C11orf65: variants seen among roughly 807,000 people sequenced by gnomAD.
The protein encoded by C11orf65 is chromosome 11 open reading frame 65, also known as protein MFI.
A neutral mutation model predicts 35.3 loss-of-function variants in C11orf65; 38 were observed. The observed-to-expected ratio is 1.08, with a 90% confidence interval of 0.83 to 1.41. C11orf65 has a LOEUF of 1.41. C11orf65 is among the 40% of genes most tolerant of loss of function. The pLI is 0.00. For synonymous variants in C11orf65, 105 were observed against 114.4 expected (o/e 0.92, Z 0.53); for missense variants, 370 against 367.1 (o/e 1.01, Z -0.06).
chr11:108,369,525 T>C (rs1043371553), intron 2 of C11orf65, among the ~76,000 whole-genome samples: 3 of 152,302 alleles, frequency 2.0e-5, no homozygotes, highest in African/African-American at 7.2e-5. Context: ...TAGTCTCTTT[T>C]GCCTAGATTT....
At position 108,391,020 on chromosome 11, in the gene C11orf65, T is replaced by G. The variant is rs574864147; in HGVS notation, c.731+2188A>C. Among the ~76,000 whole-genome samples the G allele has an allele frequency of 1.8e-3, 268 of 152,242 alleles. 10 individuals are homozygous for G. In the South Asian group the frequency reaches 0.031, roughly 17 times the overall value. The stretch of plus-strand genomic sequence containing the variant: ...TTTGTCTTGATCATTCTTCCCCCTT[T>G]TTCTTCATTTATCTTTCCTTGCATC... On this transcript the variant is annotated intron_variant, in intron 7 of 8. Transcript: ENST00000393084.
intron 2 of C11orf65, among the ~76,000 whole-genome samples, chr11:108,444,314 G>C (rs2093214090): frequency 6.6e-6 from 1 of 152,032 alleles, no homozygotes; most frequent in African/African-American, 2.4e-5. Flanking sequence ...CTGAAATTGA[G>C]GCAATAATTA....
chr11:108,391,429 G>T (rs2092158183), intron 7 of C11orf65, among the ~76,000 whole-genome samples: 1 of 152,026 alleles, frequency 6.6e-6, no homozygotes, highest in African/African-American at 2.4e-5. Context: ...GCCCAGGCTG[G>T]AGTGCAATGG....
chr11:108,457,299 G>A (rs760343428), intron 2 of C11orf65, among the ~76,000 whole-genome samples: 1 of 152,040 alleles, frequency 6.6e-6, no homozygotes, highest in Non-Finnish European at 1.5e-5. Flanking sequence ...AATTGTACAC[G>A]CACATTATTT....
chr11:108,324,755 A>G (rs2085484383), intron 6 of C11orf65, among the ~76,000 whole-genome samples: 1 of 152,226 alleles, frequency 6.6e-6, no homozygotes, highest in Non-Finnish European at 1.5e-5. Flanking sequence ...TGGGAAGGAT[A>G]CTATTCATAT....
chr11:108,405,601 C>T (rs371415531), intron 5 of C11orf65, 42 bp from the exon 6 acceptor site: 48 of 1,597,652 alleles, frequency 3.0e-5, no homozygotes, highest in Admixed American at 6.8e-5. Context: ...GTTGAAATAT[C>T]GATTGTGAGG....
intron 2 of C11orf65, among the ~76,000 whole-genome samples, chr11:108,438,753 C>T (rs1410341645): frequency 1.3e-5 from 2 of 150,864 alleles, no homozygotes; most frequent in Non-Finnish European, 3.0e-5. Flanking sequence ...CGCTTGTAAT[C>T]CTAGCACTTT....
chr11:108,328,900 A>G, downstream of C11orf65: 1 of 1,108,334 alleles, frequency 9.0e-7, no homozygotes, highest in South Asian at 1.5e-5. Flanking sequence ...TAGTTCATAT[A>G]ATTTAGCTAG....
At chr11:108,344,228 G>A (rs2087990460) in intron 2 of C11orf65, among the ~76,000 whole-genome samples, 1 of 152,168 alleles carries the variant, frequency 6.6e-6, no homozygotes, top group Admixed American at 6.5e-5. Flanking sequence ...GGAGGAGGAA[G>A]TGCTTAGTTC....
chr11:108,316,451 A>G (rs2009437512), intron 6 of C11orf65, among the ~76,000 whole-genome samples: 2 of 152,162 alleles, frequency 1.3e-5, no homozygotes, highest in South Asian at 4.1e-4. Flanking sequence ...CACATGGAAA[A>G]TCTTATGTAA....
rs776267381 is a variant in C11orf65, at chr11:108,431,789, T to G, written c.131A>C (p.Gln44Pro). The part of the protein sequence containing the change: ...HFKSLIDLRR[Q>P]GEPRQIVKYI... The stretch of plus-strand genomic sequence containing the variant: ...TTTCACTATCTGACGTGGTTCTCCT[T>G]GTCTTCTTAAATCAATCAGACTTTT... Residue 44 changes from glutamine to proline, a missense_variant, in exon 3 of 9, where the codon CAA (glutamine) becomes CCA (proline). Gln to Pro is a moderately conservative substitution (Grantham distance 76, BLOSUM62 -1). Coordinates refer to ENST00000393084, the MANE Select transcript of C11orf65 (RefSeq NM_152587.5). 3 of 1,531,028 alleles carry G rather than the reference T, an allele frequency of 2.0e-6. No individual in the cohort carries two copies. The Admixed American group carries it at 5.3e-5, about 27-fold the overall frequency. 94.8% of individuals were successfully genotyped at this position (1,531,028 alleles called of 1,614,324 possible). A position where few individuals can be genotyped will look rare whatever the true frequency, so the allele number is the denominator to read the frequency against.
chr11:108,354,702 G>A (rs938563763), intron 2 of C11orf65: 16 of 989,886 alleles, frequency 1.6e-5, no homozygotes, highest in Non-Finnish European at 2.3e-5. Context: ...CAGATATGTA[G>A]ATTATTAAGC....
chr11:108,413,356 T>C, intron 3 of C11orf65, among the ~76,000 whole-genome samples: 1 of 152,162 alleles, frequency 6.6e-6, no homozygotes, highest in East Asian at 1.9e-4. Flanking sequence ...AGCTCATCCT[T>C]CCAACTCTCC....
At chr11:108,309,941 G>C (rs998446963) in intron 6 of C11orf65, among the ~76,000 whole-genome samples, 4 of 152,058 alleles carry the variant, frequency 2.6e-5, no homozygotes, top group Admixed American at 2.6e-4. Context: ...TCTCTGATAG[G>C]TTTGAGGGAA....
chr11:108,426,217 T>C (rs2092900623), intron 3 of C11orf65, among the ~76,000 whole-genome samples: 1 of 152,224 alleles, frequency 6.6e-6, no homozygotes, highest in Non-Finnish European at 1.5e-5. Flanking sequence ...TGTCTCTATT[T>C]GCAGATGACA....
At chr11:108,429,563 C>T (rs1939103112) in intron 3 of C11orf65, among the ~76,000 whole-genome samples, 1 of 152,118 alleles carries the variant, frequency 6.6e-6, no homozygotes, top group Non-Finnish European at 1.5e-5. Context: ...ATGGTACAGC[C>T]ACTGTGGAAA....
chr11:108,366,642 T>C (rs990752876), intron 2 of C11orf65: 1 of 231,214 alleles, frequency 4.3e-6, no homozygotes. Context: ...CCCATTCTTA[T>C]TTTAATTTCT....
chr11:108,433,255 C>A (rs7131508), intron 2 of C11orf65, among the ~76,000 whole-genome samples: 11,351 of 142,346 alleles, frequency 0.08, 487 homozygotes, highest in Middle Eastern at 0.11. Flanking sequence ...ATATATATAT[C>A]TCTCTCTATA....
At chr11:108,332,072 G>A in intron 3 of C11orf65, 1 of 1,607,510 alleles carries the variant, frequency 6.2e-7, no homozygotes, top group Non-Finnish European at 8.5e-7. Context: ...TTTTAGAAGT[G>A]TGATATTCAG....
Sources: gnomAD v4.1 joint callset for allele counts (sites outside exome capture counted in the v4.1 genomes callset) on GRCh38, gnomAD v4.1.1 for gene constraint, MANE v1.5 for transcripts, NCBI Gene and HGNC (gene_info 2026-07-23, HGNC 2026-07-21) for gene names.